Variants in ZSWIM6 observed in about 807,000 individuals in gnomAD.
The protein encoded by ZSWIM6 is zinc finger SWIM-type containing 6, also known as zinc finger SWIM domain-containing protein 6.
Under a neutral mutation model 113.2 loss-of-function variants are expected in ZSWIM6, and 9 were observed. The observed-to-expected ratio is 0.08, with a 90% CI of 0.05 to 0.14. The LOEUF (loss-of-function observed/expected upper bound fraction) is 0.14, where lower values mean the gene tolerates loss of function less well. Ranked by LOEUF, ZSWIM6 falls within the 10% of genes least tolerant of loss-of-function variation. The probability of loss-of-function intolerance (pLI) is 1.00; values close to 1 mark genes in which losing one functional copy is unlikely to be tolerated. For missense variants in ZSWIM6, 1,162 were observed against 1,552.2 expected, an observed-to-expected ratio of 0.75 and a Z score of 4.22; for synonymous variants, 611 against 606.5, an observed-to-expected ratio of 1.01 and a Z score of -0.11.
intron 4 of ZSWIM6, among the ~76,000 whole-genome samples, chr5:61,501,866 A>C (rs933129479): frequency 7.2e-5 from 11 of 152,230 alleles, no homozygotes; most frequent in African/African-American, 2.2e-4. Context: ...CGTTGGTATA[A>C]GGTGTCCTCT....
chr5:61,470,549 TTTC>T (rs1310404476), intron 1 of ZSWIM6, among the ~76,000 whole-genome samples: 1 of 152,236 alleles, frequency 6.6e-6, no homozygotes, highest in African/African-American at 2.4e-5. Flanking sequence ...CATGTGACTT[TTTC>T]TTCATCGGAA....
At chr5:61,363,947 TTCTC>T (rs1022189208) in intron 1 of ZSWIM6, among the ~76,000 whole-genome samples, 8 of 148,774 alleles carry the variant, frequency 5.4e-5, no homozygotes, top group East Asian at 2.0e-4. Flanking sequence ...TTCTTTTTCT[TTCTC>T]TCTCTCCTTC....
chr5:61,421,842 G>A (rs1247748305), intron 1 of ZSWIM6, among the ~76,000 whole-genome samples: 5 of 152,160 alleles, frequency 3.3e-5, no homozygotes, highest in African/African-American at 1.2e-4. Flanking sequence ...AGTATTCCAT[G>A]GTGTATATGT....
intron 1 of ZSWIM6, among the ~76,000 whole-genome samples, chr5:61,420,550 T>C (rs1746334606): frequency 6.6e-6 from 1 of 152,198 alleles, no homozygotes; most frequent in Non-Finnish European, 1.5e-5. Flanking sequence ...ATCCATGTTT[T>C]ATACTGACTA....
intron 2 of ZSWIM6, among the ~76,000 whole-genome samples, chr5:61,485,309 T>C (rs1320049454): frequency 6.6e-6 from 1 of 152,228 alleles, no homozygotes; most frequent in Non-Finnish European, 1.5e-5. Context: ...CATTTACTTA[T>C]GCAGCCTTTA....
chr5:61,526,765 CG>C, intron 7 of ZSWIM6, among the ~76,000 whole-genome samples: 1 of 152,148 alleles, frequency 6.6e-6, no homozygotes, highest in East Asian at 1.9e-4. Flanking sequence ...GCTTGAATCC[CG>C]GCAATCCTAA....
chr5:61,472,563 G>A lies in ZSWIM6; in HGVS notation c.677-118G>A. ...GCCTGAATGTTTTTACTTGAATATA[G>A]AGGCTGTCATATTTTTTTCTTGCTG... On this transcript the variant is annotated intron_variant, in intron 1 of 13. Transcript: ENST00000252744. The surrounding 1 kb of genome is among the most constrained non-coding windows in gnomAD (Gnocchi z 4.1). The A allele has an allele frequency of 1.4e-6, 1 of 729,124 alleles. No individual in the cohort carries two copies. The highest frequency in any genetic ancestry group is 2.1e-6 in the Non-Finnish European group (1 of 467,380). 45.2% of individuals were successfully genotyped at this position (729,124 alleles called of 1,614,324 possible).
chr5:61,499,837 G>A (rs946012021), intron 4 of ZSWIM6, among the ~76,000 whole-genome samples: 1 of 152,098 alleles, frequency 6.6e-6, no homozygotes, highest in African/African-American at 2.4e-5. Context: ...TCTCATTTTG[G>A]TCTAGCTCCT....
chr5:61,453,561 A>G lies in ZSWIM6; in HGVS notation c.677-19120A>G, dbSNP rs566457474. Among the ~76,000 whole-genome samples the G allele has an allele frequency of 1.6e-3, 250 of 151,808 alleles. 2 individuals are homozygous for G. Among genetic ancestry groups the G allele is most frequent in the African/African-American group, 5.8e-3 (238 of 41,376 alleles). On this transcript the variant is annotated intron_variant, in intron 1 of 13. Coordinates refer to ENST00000252744, the MANE Select transcript of ZSWIM6 (RefSeq NM_020928.2). ...AGCTAATTTTTGTATTTTTTTGTAGAGATGGGGTTTTGCCATGTTGTCCAG... is the reference window on the plus strand; with the variant it reads ...AGCTAATTTTTGTATTTTTTTGTAGGGATGGGGTTTTGCCATGTTGTCCAG...
At chr5:61,366,574 G>A (rs1001320206) in intron 1 of ZSWIM6, among the ~76,000 whole-genome samples, 1 of 152,224 alleles carries the variant, frequency 6.6e-6, no homozygotes, top group Non-Finnish European at 1.5e-5. Flanking sequence ...GTTTTAGAAA[G>A]TTTAGCCTTC....
chr5:61,357,529 G>A (rs1382231818), intron 1 of ZSWIM6, among the ~76,000 whole-genome samples: 5 of 151,084 alleles, frequency 3.3e-5, no homozygotes, highest in Non-Finnish European at 5.9e-5. Context: ...TTCCAGTTTT[G>A]CACCAGTGCC....
At chr5:61,446,638 C>T (rs1313929343) in intron 1 of ZSWIM6, among the ~76,000 whole-genome samples, 1 of 152,114 alleles carries the variant, frequency 6.6e-6, no homozygotes, top group African/African-American at 2.4e-5. Context: ...TATATACTAA[C>T]AATTCTGAAG....
intron 1 of ZSWIM6, among the ~76,000 whole-genome samples, chr5:61,423,994 C>T (rs1355829077): frequency 6.6e-6 from 1 of 152,124 alleles, no homozygotes; most frequent in Admixed American, 6.5e-5. Flanking sequence ...TGTGTTACTG[C>T]CAGCAATTTG....
At chr5:61,383,403 C>T (rs1251625387) in intron 1 of ZSWIM6, among the ~76,000 whole-genome samples, 1 of 152,148 alleles carries the variant, frequency 6.6e-6, no homozygotes, top group East Asian at 1.9e-4. Context: ...TTCTCTTTAC[C>T]TCCAGCAGCT....
chr5:61,340,613 C>CTGG (rs1421797428), intron 1 of ZSWIM6, among the ~76,000 whole-genome samples: 1 of 152,084 alleles, frequency 6.6e-6, no homozygotes, highest in African/African-American at 2.4e-5. Context: ...TCCCATTTTC[C>CTGG]TGGTAAGAAA....
chr5:61,477,195 C>T (rs1417243217), intron 2 of ZSWIM6, among the ~76,000 whole-genome samples: 1 of 152,118 alleles, frequency 6.6e-6, no homozygotes, highest in Non-Finnish European at 1.5e-5. Context: ...GAGGGACAGT[C>T]TGATGGGAAA....
chr5:61,470,616 G>C (rs998585290), intron 1 of ZSWIM6, among the ~76,000 whole-genome samples: 1 of 151,718 alleles, frequency 6.6e-6, no homozygotes, highest in Non-Finnish European at 1.5e-5. Flanking sequence ...CTTTAATTGT[G>C]GTTTTTCAGA....
chr5:61,471,613 G>C (rs1340866910), intron 1 of ZSWIM6, among the ~76,000 whole-genome samples: 1 of 152,206 alleles, frequency 6.6e-6, no homozygotes, highest in Non-Finnish European at 1.5e-5. Context: ...CTGGGCCGTG[G>C]ACCAGTACCA....
At chr5:61,418,414 C>A (rs1272813970) in intron 1 of ZSWIM6, among the ~76,000 whole-genome samples, 1 of 151,738 alleles carries the variant, frequency 6.6e-6, no homozygotes, top group African/African-American at 2.4e-5. Flanking sequence ...ATTACAGGTG[C>A]CTGCCACCAC....
Sources: gnomAD v4.1 joint callset for allele counts (sites outside exome capture counted in the v4.1 genomes callset) on GRCh38, gnomAD v4.1.1 for gene constraint, Gnocchi (gnomAD v3.1) non-coding constraint, MANE v1.5 for transcripts, NCBI Gene and HGNC (gene_info 2026-07-23, HGNC 2026-07-21) for gene names.